Variants in PAH observed in about 807,000 individuals in gnomAD.
PAH encodes the protein phenylalanine-4-hydroxylase.
In PAH, 64 loss-of-function variants were observed where a neutral mutation model predicts 62.0. The ratio of observed to expected loss-of-function variants is 1.03; its 90% CI spans 0.84 to 1.27. The LOEUF (loss-of-function observed/expected upper bound fraction) is 1.27, where lower values mean the gene tolerates loss of function less well. PAH is among the 50% of genes most tolerant of loss of function. The pLI, the probability that PAH is intolerant of heterozygous loss-of-function variation, is 0.00. For synonymous variants in PAH, 195 were observed against 196.2 expected, an observed-to-expected ratio of 0.99 and a Z score of 0.05; for missense variants, 579 against 542.8, an observed-to-expected ratio of 1.07 and a Z score of -0.66.
intron 3 of PAH, among the ~76,000 whole-genome samples, chr12:102,887,291 T>C (rs1877081972): frequency 6.6e-6 from 1 of 151,110 alleles, no homozygotes; most frequent in Non-Finnish European, 1.5e-5. Flanking sequence ...AAGCTGACCT[T>C]CTATCTCATA....
chr12:102,858,334 T>G (rs979145875), intron 5 of PAH, among the ~76,000 whole-genome samples: 3 of 152,168 alleles, frequency 2.0e-5, no homozygotes, highest in Non-Finnish European at 2.9e-5. Flanking sequence ...AGCAAGTCGT[T>G]AGAGACCTAC....
chr12:102,944,180 T>A (rs932358744), intron 1 of PAH, among the ~76,000 whole-genome samples: 2 of 152,246 alleles, frequency 1.3e-5, no homozygotes, highest in African/African-American at 4.8e-5. Flanking sequence ...TTTCTCTTGC[T>A]GCTTTTAGCC....
At position 102,957,041 on chromosome 12, in the gene PAH, T is replaced by C. The variant is rs927497246; in HGVS notation, c.-96+1154A>G. Among the ~76,000 whole-genome samples, 1 of 152,130 alleles carries C rather than the reference T, an allele frequency of 6.6e-6. No homozygotes were observed. The highest frequency in any genetic ancestry group is 2.4e-5 in the African/African-American group (1 of 41,420). ...CACATAGTCCAGCACTTTTTTTCAC[T>C]GTTCTGGACGGAGTCCCTCCCCCAA... On this transcript the variant is annotated intron_variant, in intron 1 of 4. Coordinates refer to the PAH transcript ENST00000551337. The surrounding 1 kb of genome is among the most constrained non-coding windows in gnomAD (Gnocchi z 4.1).
intron 9 of PAH, 133 bp from the exon 10 acceptor site, chr12:102,844,564 T>C (rs1473646168): frequency 4.2e-6 from 3 of 714,384 alleles, no homozygotes; most frequent in East Asian, 2.7e-5. Context: ...TGAGGGTGTT[T>C]CTGGAGGGGA....
At chr12:102,910,881 C>T (rs1229736019) in intron 2 of PAH, among the ~76,000 whole-genome samples, 2 of 152,118 alleles carry the variant, frequency 1.3e-5, no homozygotes, top group African/African-American at 4.8e-5. Flanking sequence ...CACTACTGCC[C>T]TTTGCCCAGA....
At chr12:102,888,765 G>A (rs1877141475) in intron 3 of PAH, among the ~76,000 whole-genome samples, 1 of 151,784 alleles carries the variant, frequency 6.6e-6, no homozygotes, top group Non-Finnish European at 1.5e-5. Flanking sequence ...CTCCCCAGCT[G>A]CCAGGACTTA....
chr12:102,879,125 G>A (rs1040204185), intron 3 of PAH, among the ~76,000 whole-genome samples: 3 of 151,998 alleles, frequency 2.0e-5, no homozygotes, highest in Non-Finnish European at 4.4e-5. Context: ...TCCTCCTCCG[G>A]GAGGAGGAGG....
chr12:102,894,296 G>C (rs1877400066), intron 3 of PAH, among the ~76,000 whole-genome samples: 2 of 151,526 alleles, frequency 1.3e-5, no homozygotes, highest in Admixed American at 6.6e-5. Flanking sequence ...AAAATTATCT[G>C]TATACCAAAT....
intron 2 of PAH, among the ~76,000 whole-genome samples, chr12:102,901,228 AT>A (rs1172853935): frequency 3.9e-5 from 6 of 152,264 alleles, no homozygotes; most frequent in Admixed American, 1.3e-4. Flanking sequence ...CCTCTATCTT[AT>A]TCACTGACAA....
Position 102,917,232 on chromosome 12 carries a change from A to G in PAH, c.-102T>C. ...TGAAGGTTTTAACCTCGCACTAGGGAGGAGAAGAGAGTTACAAAGGGTGTC... is the reference window on the plus strand; with the variant it reads ...TGAAGGTTTTAACCTCGCACTAGGGGGGAGAAGAGAGTTACAAAGGGTGTC... On this transcript the variant is annotated 5_prime_UTR_variant, in exon 1 of 13. Transcript: ENST00000553106. 2 of 938,550 alleles carry G rather than the reference A, an allele frequency of 2.1e-6. No homozygotes were observed. Among genetic ancestry groups the G allele is most frequent in the Non-Finnish European group, 3.5e-6 (2 of 579,140 alleles). 58.1% of individuals were successfully genotyped at this position (938,550 alleles called of 1,614,324 possible). A position where few individuals can be genotyped will look rare whatever the true frequency, so the allele number is the denominator to read the frequency against.
At chr12:102,875,258 CAG>C (rs1876514394) in intron 4 of PAH, among the ~76,000 whole-genome samples, 1 of 152,102 alleles carries the variant, frequency 6.6e-6, no homozygotes, top group Non-Finnish European at 1.5e-5. Context: ...CAATGCATTC[CAG>C]AGAGTTTTAA....
rs1199373984 is a variant in PAH, at chr12:102,957,333, C to T, written c.-96+862G>A. ...AGAGCCATTTGTCCCTCCTGTGACG[C>T]CCCCCACCCCCTTCCTAAAGCCACC... On this transcript the variant is annotated intron_variant, in intron 1 of 4. Coordinates refer to the PAH transcript ENST00000551337. This position sits in a 1 kb window ranked among gnomAD's most constrained non-coding sequence, Gnocchi z 4.1. Among the ~76,000 whole-genome samples, 2 of 152,110 alleles carry T rather than the reference C, an allele frequency of 1.3e-5. No individual in the cohort carries two copies. The highest frequency in any genetic ancestry group is 1.9e-4 in the East Asian group (1 of 5,176).
At chr12:102,871,932 AAAAAAAAAAAAAAAAAAATATATATAT>A (rs1330050396) in intron 4 of PAH, among the ~76,000 whole-genome samples, 61 of 116,426 alleles carry the variant, frequency 5.2e-4, no homozygotes, top group East Asian at 2.7e-3. Flanking sequence ...CAAAAAAAAA[AAAAAAAAAAAAAAAAAAATATATATAT>A]ATATATATAT....
intron 1 of PAH, among the ~76,000 whole-genome samples, chr12:102,930,676 G>T (rs914932957): frequency 1.3e-5 from 2 of 152,222 alleles, no homozygotes; most frequent in African/African-American, 4.8e-5. Context: ...GTCTTGAGAA[G>T]AAGTTTGGAG....
intron 2 of PAH, among the ~76,000 whole-genome samples, chr12:102,906,602 A>ATTCT (rs1877986305): frequency 6.6e-6 from 1 of 152,238 alleles, no homozygotes; most frequent in African/African-American, 2.4e-5. Flanking sequence ...ATATATAGTA[A>ATTCT]TTCTTACTTA....
chr12:102,929,327 T>G (rs1042216896), intron 1 of PAH, among the ~76,000 whole-genome samples: 22 of 152,132 alleles, frequency 1.4e-4, no homozygotes, highest in African/African-American at 5.1e-4. Flanking sequence ...CATAATGCTG[T>G]GAGAACTTTT....
chr12:102,852,719 T>C (rs1875210194), intron 7 of PAH, 96 bp downstream of exon 7: 4 of 1,483,400 alleles, frequency 2.7e-6, no homozygotes, highest in South Asian at 1.1e-5. Flanking sequence ...ACTAGTCCTG[T>C]GGACCAGCCA....
At chr12:102,859,911 C>T (rs751545398) in intron 5 of PAH, among the ~76,000 whole-genome samples, 1 of 150,672 alleles carries the variant, frequency 6.6e-6, no homozygotes. Flanking sequence ...CCCTTTGAAA[C>T]CTGGCACAAG....
At chr12:102,911,535 T>C (rs1273912844) in intron 2 of PAH, among the ~76,000 whole-genome samples, 1 of 152,200 alleles carries the variant, frequency 6.6e-6, no homozygotes, top group Non-Finnish European at 1.5e-5. Flanking sequence ...AAATAGCTCC[T>C]ACCTCATGTT....
Sources: gnomAD v4.1 joint callset for allele counts (sites outside exome capture counted in the v4.1 genomes callset) on GRCh38, gnomAD v4.1.1 for gene constraint, Gnocchi (gnomAD v3.1) non-coding constraint, MANE v1.5 for transcripts, NCBI Gene and HGNC (gene_info 2026-07-23, HGNC 2026-07-21) for gene names.